Variants in LAMB3 observed in about 807,000 individuals in gnomAD.
LAMB3 encodes laminin subunit beta 3.
A neutral mutation model predicts 140.3 loss-of-function variants in LAMB3; 104 were observed. That is an observed-to-expected ratio of 0.74 (90% confidence interval 0.63 to 0.87). LAMB3 has a LOEUF of 0.87. Ranked by LOEUF, LAMB3 falls within the 40% of genes least tolerant of loss-of-function variation. The pLI is 0.00. For synonymous variants in LAMB3, 592 were observed against 602.9 expected, an observed-to-expected ratio of 0.98 and a Z score of 0.26; for missense variants, 1,531 against 1,575.2, an observed-to-expected ratio of 0.97 and a Z score of 0.47.
chr1:209,630,464 C>T, intron 9 of LAMB3, 151 bp downstream of exon 9: 1 of 896,612 alleles, frequency 1.1e-6, no homozygotes, highest in Non-Finnish European at 1.7e-6. Context: ...CCTCACAGAG[C>T]CAGGAGAGCT....
At chr1:209,625,549 T>C in intron 14 of LAMB3, 99 bp downstream of exon 14, 2 of 1,431,024 alleles carry the variant, frequency 1.4e-6, no homozygotes, top group Non-Finnish European at 2.0e-6. Context: ...GCCTTTAAAC[T>C]GTAATGCACT....
At chr1:209,644,820 C>G (rs1571836217) in intron 3 of LAMB3, among the ~76,000 whole-genome samples, 1 of 152,134 alleles carries the variant, frequency 6.6e-6, no homozygotes. Flanking sequence ...GCTAGTGTGC[C>G]GGGGACCTCT....
chr1:209,626,162 A>G, intron 13 of LAMB3, 136 bp from the exon 14 acceptor site: 1 of 977,368 alleles, frequency 1.0e-6, no homozygotes, highest in Non-Finnish European at 1.5e-6. Context: ...CAGCCAGAAT[A>G]AAAGCCATGG....
At chr1:209,624,690 T>C (rs899804531) in intron 14 of LAMB3, among the ~76,000 whole-genome samples, 3 of 152,226 alleles carry the variant, frequency 2.0e-5, no homozygotes, top group African/African-American at 7.2e-5. Flanking sequence ...AGAAGGCACC[T>C]CTGTGAAGCC....
chr1:209,623,480 A>G lies in LAMB3; in HGVS notation c.2358+25T>C, dbSNP rs368726298. 6.3e-7 allele frequency: 1 copy of G among 1,599,190 alleles called. No individual in the cohort carries two copies. The highest frequency in any genetic ancestry group is 8.6e-7 in the Non-Finnish European group (1 of 1,166,306). ...ACAAGCTGGGGTGTGGGCTCCAGGA[A>G]GTGGGACTCCATGCCCCAAGTCACC... On this transcript the variant is annotated intron_variant, in intron 16 of 22. Coordinates refer to ENST00000356082, the MANE Select transcript of LAMB3 (RefSeq NM_000228.3). The surrounding 1 kb of genome is among the most constrained non-coding windows in gnomAD (Gnocchi z 4.2).
At chr1:209,640,663 A>G (rs903826853) in intron 3 of LAMB3, among the ~76,000 whole-genome samples, 2 of 152,072 alleles carry the variant, frequency 1.3e-5, no homozygotes, top group Admixed American at 6.5e-5. Context: ...TCTCCACTTG[A>G]CACATTGCAT....
At chr1:209,626,170 T>C in intron 13 of LAMB3, 144 bp from the exon 14 acceptor site, 1 of 904,544 alleles carries the variant, frequency 1.1e-6, no homozygotes, top group Non-Finnish European at 1.6e-6. Context: ...ATAAAAGCCA[T>C]GGTAACAGCT....
intron 5 of LAMB3, among the ~76,000 whole-genome samples, chr1:209,635,265 T>C (rs1433989363): frequency 2.0e-5 from 3 of 152,190 alleles, no homozygotes; most frequent in Non-Finnish European, 2.9e-5. Context: ...CCAAAGCAGA[T>C]ACTGAACCAG....
chr1:209,644,198 C>A (rs927482881), intron 3 of LAMB3, among the ~76,000 whole-genome samples: 24 of 152,224 alleles, frequency 1.6e-4, no homozygotes, highest in Admixed American at 1.0e-3. Flanking sequence ...AGTGCAGGCG[C>A]TGGGTGGGAG....
intron 13 of LAMB3, 116 bp downstream of exon 13, chr1:209,626,751 C>T (rs1442800325): frequency 5.1e-6 from 4 of 781,756 alleles, no homozygotes; most frequent in Non-Finnish European, 8.8e-6. Flanking sequence ...AGGCCCACAC[C>T]ACATGCATCA....
Position 209,640,288 on chromosome 1 carries a change from G to A in LAMB3, c.184-1640C>T, listed in dbSNP as rs145084117. ...CCATTGGTGGGGTGTGGTGGCTCAC[G>A]CCTGTAATCCCAGCACTTTAGGAGG... On this transcript the variant is annotated intron_variant, in intron 3 of 22. Transcript: ENST00000356082. 7.7e-3 allele frequency among the ~76,000 whole-genome samples: 1,178 copies of A among 152,276 alleles called. 15 individuals are homozygous for A. The highest frequency in any genetic ancestry group is 0.027 in the African/African-American group (1,120 of 41,552).
rs550005240 is a variant in LAMB3 at position 209,634,496 on chromosome 1, C to A, written c.515G>T (p.Arg172Leu). 3.1e-6 allele frequency: 5 copies of A among 1,614,078 alleles called. No individual in the cohort carries two copies. The East Asian group carries it at 1.1e-4, about 36-fold the overall frequency. ...AGGCCTCTGAGGCAGGGACTGGCAC[C>A]GAACATCCTGCCAGCTCTGAGGCCG... ...QGRPQSWQDV[R>L]CQSLPQRPNA... The change falls in exon 6 of 23, where the codon CGG (arginine) becomes CTG (leucine). Residue 172 changes from arginine to leucine, a missense_variant. Transcript: ENST00000356082.
intron 3 of LAMB3, among the ~76,000 whole-genome samples, chr1:209,646,136 T>C (rs1047457074): frequency 7.9e-5 from 12 of 152,048 alleles, no homozygotes; most frequent in Non-Finnish European, 1.5e-5. Context: ...AATAAAGCAT[T>C]TAGGGGAGCA....
chr1:209,626,794 A>C, intron 13 of LAMB3, 73 bp downstream of exon 13: 1 of 1,067,296 alleles, frequency 9.4e-7, no homozygotes, highest in Non-Finnish European at 1.4e-6. Context: ...GCAGACCTAC[A>C]CGCCCCCACC....
rs143075681 is a variant in LAMB3 at position 209,645,474 on chromosome 1, G to A, written c.183+4490C>T. 1.2e-3 allele frequency among the ~76,000 whole-genome samples: 182 copies of A among 152,232 alleles called. 5 individuals are homozygous for A. In the East Asian group the frequency reaches 0.033, roughly 28 times the overall value. Reference sequence around the variant, plus strand: ...GCTCACACCTGTAATCCAGCACTTTGGGAGGCCAAGGCGGGCAGATCGCTT... The same window carrying A: ...GCTCACACCTGTAATCCAGCACTTTAGGAGGCCAAGGCGGGCAGATCGCTT... On this transcript the variant is annotated intron_variant, in intron 3 of 22. Transcript: ENST00000356082.
At chr1:209,625,497 CAGGACTGT>C in intron 14 of LAMB3, 143 bp downstream of exon 14, 1 of 1,052,516 alleles carries the variant, frequency 9.5e-7, no homozygotes. Context: ...ACCAGCCTCA[CAGGACTGT>C]TGTAATGGTT....
At position 209,617,587 on chromosome 1, in the gene LAMB3, C is replaced by T. The variant is rs774472247; in HGVS notation, c.3052-1G>A. 1.2e-6 allele frequency: 2 copies of T among 1,613,790 alleles called. No homozygotes were observed. The highest frequency in any genetic ancestry group is 8.5e-7 in the Non-Finnish European group (1 of 1,179,942). ...CTGCTGGCCGCAGTACCTGCTGAAC[C>T]TTTGTGGAAAGAGGGAGATCTGGCC... On this transcript the variant is annotated splice_acceptor_variant, in intron 20 of 22. Transcript: ENST00000356082. LOFTEE classifies it high-confidence loss of function.
chr1:209,643,308 GCCC>G (rs2076487506), intron 3 of LAMB3, among the ~76,000 whole-genome samples: 1 of 152,118 alleles, frequency 6.6e-6, no homozygotes, highest in African/African-American at 2.4e-5. Context: ...TATGTGATAT[GCCC>G]CCATCTCTCC....
rs143547447 is a variant in LAMB3 at position 209,618,043 on chromosome 1, C to T, written c.2915G>A (p.Arg972Gln). 29 of 1,614,096 alleles carry T rather than the reference C, an allele frequency of 1.8e-5. No homozygotes were observed. Among genetic ancestry groups the T allele is most frequent in the African/African-American group, 4.0e-5 (3 of 75,004 alleles). The change falls in exon 20 of 23, where the codon CGA becomes CAA. Residue 972 changes from arginine to glutamine, a missense_variant. Arg to Gln is a conservative substitution (Grantham distance 43, BLOSUM62 1). Transcript: ENST00000356082. Reference sequence around the variant, plus strand: ...CACCTGGCCCTCCACTGCATGGGCTCGGCTCCTGGGTGAGAGAAGCAGCAG... The same window carrying T: ...CACCTGGCCCTCCACTGCATGGGCTTGGCTCCTGGGTGAGAGAAGCAGCAG... ...LQAEAEEARS[R>Q]AHAVEGQVED... is the part of the protein sequence containing the mutation.
Sources: gnomAD v4.1 joint callset for allele counts (sites outside exome capture counted in the v4.1 genomes callset) on GRCh38, gnomAD v4.1.1 for gene constraint, Gnocchi (gnomAD v3.1) non-coding constraint, MANE v1.5 for transcripts, NCBI Gene and HGNC (gene_info 2026-07-23, HGNC 2026-07-21) for gene names.